Variants in GALNT17 observed in about 807,000 individuals in gnomAD.
GALNT17 encodes the protein polypeptide N-acetylgalactosaminyltransferase 17.
A neutral mutation model predicts 63.7 loss-of-function variants in GALNT17; 29 were observed. That is an observed-to-expected ratio of 0.46 (90% CI 0.34 to 0.62). The LOEUF (loss-of-function observed/expected upper bound fraction) is 0.62. Among genes scored for constraint, GALNT17 ranks in the 20% least tolerant of loss-of-function variants. GALNT17 has a pLI of 0.01. For missense variants in GALNT17, 603 were observed against 799.6 expected (o/e 0.75, Z 2.97); for synonymous variants, 305 against 318.3 (o/e 0.96, Z 0.45).
intron 1 of GALNT17, among the ~76,000 whole-genome samples, chr7:71,181,757 G>C (rs1370935476): frequency 6.6e-6 from 1 of 152,090 alleles, no homozygotes; most frequent in Non-Finnish European, 1.5e-5. Flanking sequence ...CACACCTATA[G>C]TCCCAGCTAC....
chr7:71,464,056 G>A (rs368792031), intron 5 of GALNT17, among the ~76,000 whole-genome samples: 2 of 152,268 alleles, frequency 1.3e-5, no homozygotes, highest in East Asian at 3.9e-4. Flanking sequence ...GAATGCCTCT[G>A]ACACTTAATT....
intron 5 of GALNT17, among the ~76,000 whole-genome samples, chr7:71,431,325 C>T (rs1786862722): frequency 6.6e-6 from 1 of 151,010 alleles, no homozygotes. Flanking sequence ...ATTCTCCCGC[C>T]TCAGCCTCCT....
intron 1 of GALNT17, among the ~76,000 whole-genome samples, chr7:71,147,734 C>CG (rs1177325471): frequency 6.6e-6 from 1 of 152,068 alleles, no homozygotes; most frequent in Non-Finnish European, 1.5e-5. Flanking sequence ...CAGGTTCCAT[C>CG]GATTCTCCTG....
At chr7:71,250,831 G>C (rs1393216188) in intron 1 of GALNT17, among the ~76,000 whole-genome samples, 1 of 152,146 alleles carries the variant, frequency 6.6e-6, no homozygotes, top group Non-Finnish European at 1.5e-5. Flanking sequence ...CAGCAAACCT[G>C]CCTTCTGTGT....
At chr7:71,265,118 ATTTTTTTTTTTT>A (rs60738546) in intron 1 of GALNT17, among the ~76,000 whole-genome samples, 9,775 of 37,506 alleles carry the variant, frequency 0.26, 1,296 homozygotes, top group East Asian at 0.53. Context: ...ATATATATAT[ATTTTTTTTTTTT>A]TTTTTTTTTT....
At chr7:71,326,629 T>C (rs1355037143) in intron 1 of GALNT17, among the ~76,000 whole-genome samples, 2 of 152,242 alleles carry the variant, frequency 1.3e-5, no homozygotes, top group East Asian at 3.8e-4. Flanking sequence ...TATTCCTAGG[T>C]ATACTGTAAT....
chr7:71,431,070 T>C (rs535462266), intron 5 of GALNT17, among the ~76,000 whole-genome samples: 6 of 152,108 alleles, frequency 3.9e-5, no homozygotes, highest in Non-Finnish European at 7.3e-5. Flanking sequence ...ATTTTTGCCA[T>C]TGGAGTGGAT....
At chr7:71,459,541 A>G (rs1563109097) in intron 5 of GALNT17, among the ~76,000 whole-genome samples, 1 of 152,232 alleles carries the variant, frequency 6.6e-6, no homozygotes, top group African/African-American at 2.4e-5. Context: ...TAGTCTCATC[A>G]CATGGGTTTT....
chr7:71,142,609 T>C (rs1022154197), intron 1 of GALNT17, among the ~76,000 whole-genome samples: 4 of 152,310 alleles, frequency 2.6e-5, no homozygotes, highest in Middle Eastern at 3.4e-3. Flanking sequence ...TGGGAAGATA[T>C]CTTTGTGGCT....
At chr7:71,177,134 G>C (rs10226342) in intron 1 of GALNT17, among the ~76,000 whole-genome samples, 28,579 of 151,868 alleles carry the variant, frequency 0.19, 4,000 homozygotes, top group African/African-American at 0.4. Flanking sequence ...CTGTCGGAGA[G>C]CGGGGCCAAG....
At chr7:71,711,739 C>T (rs1791795920) in intron 10 of GALNT17, among the ~76,000 whole-genome samples, 1 of 149,892 alleles carries the variant, frequency 6.7e-6, no homozygotes, top group Non-Finnish European at 1.5e-5. Flanking sequence ...ACCCCTCCTC[C>T]CTTTCTTTGT....
intron 5 of GALNT17, among the ~76,000 whole-genome samples, chr7:71,507,867 G>T (rs77990586): frequency 0.021 from 3,156 of 152,202 alleles, 108 homozygotes; most frequent in African/African-American, 0.073. Context: ...AGTTCCCCAC[G>T]CCTCAGATCA....
intron 3 of GALNT17, among the ~76,000 whole-genome samples, chr7:71,399,618 C>G (rs929196065): frequency 1.3e-5 from 2 of 152,134 alleles, no homozygotes; most frequent in South Asian, 4.2e-4. Context: ...TGAATTTTGA[C>G]TAGTGGTCTC....
At chr7:71,640,328 T>C (rs765461350) in intron 6 of GALNT17, among the ~76,000 whole-genome samples, 2 of 152,222 alleles carry the variant, frequency 1.3e-5, no homozygotes, top group African/African-American at 4.8e-5. Context: ...TTCTACATTT[T>C]TTTTTTAGAT....
chr7:71,399,926 A>G (rs1793211010), intron 3 of GALNT17, among the ~76,000 whole-genome samples: 1 of 152,132 alleles, frequency 6.6e-6, no homozygotes, highest in South Asian at 2.1e-4. Context: ...TTGCCTATTG[A>G]TGACTCCTTA....
chr7:71,398,110 G>C (rs1028160086), intron 3 of GALNT17, among the ~76,000 whole-genome samples: 1 of 152,046 alleles, frequency 6.6e-6, no homozygotes, highest in Admixed American at 6.6e-5. Flanking sequence ...ATATGGGTCA[G>C]TTTGCATTGA....
intron 9 of GALNT17, among the ~76,000 whole-genome samples, chr7:71,692,716 T>C (rs1368533281): frequency 1.4e-5 from 2 of 144,244 alleles, no homozygotes; most frequent in Non-Finnish European, 3.0e-5. Flanking sequence ...AAGTACTTTT[T>C]AATTTTTTTA....
intron 6 of GALNT17, among the ~76,000 whole-genome samples, chr7:71,621,581 G>GGATGGATA (rs1790296197): frequency 6.6e-6 from 1 of 151,600 alleles, no homozygotes; most frequent in East Asian, 1.9e-4. Context: ...ATGGATGGAT[G>GGATGGATA]GATGGATGGA....
chr7:71,672,661 C>T (rs539849786), intron 8 of GALNT17, among the ~76,000 whole-genome samples: 1 of 152,294 alleles, frequency 6.6e-6, no homozygotes, highest in East Asian at 1.9e-4. Flanking sequence ...TAGCAATTCT[C>T]CTGTCTCAGC....
Sources: gnomAD v4.1 joint callset for allele counts (sites outside exome capture counted in the v4.1 genomes callset) on GRCh38, gnomAD v4.1.1 for gene constraint, MANE v1.5 for transcripts, NCBI Gene and HGNC (gene_info 2026-07-23, HGNC 2026-07-21) for gene names.